Variants in NALCN observed in about 807,000 individuals in gnomAD.
The protein encoded by NALCN is sodium leak channel NALCN.
A neutral mutation model predicts 225.3 loss-of-function variants in NALCN; 111 were observed. The observed-to-expected ratio is 0.49, with a 90% CI of 0.42 to 0.58. The LOEUF is 0.58. Ranked by LOEUF, NALCN falls within the 20% of genes least tolerant of loss-of-function variation. The pLI, the probability that NALCN is intolerant of heterozygous loss-of-function variation, is 0.00. For missense variants in NALCN, 1,378 were observed against 2,202.4 expected (o/e 0.63, Z 7.49); for synonymous variants, 764 against 769.0 (o/e 0.99, Z 0.11).
chr13:101,152,657 A>T (rs1437999849), intron 15 of NALCN, among the ~76,000 whole-genome samples: 1 of 152,178 alleles, frequency 6.6e-6, no homozygotes, highest in African/African-American at 2.4e-5. Flanking sequence ...TGCTCATATT[A>T]TTGTCCTTTA....
Position 101,311,793 on chromosome 13 carries a change from T to C in NALCN, c.800-19427A>G, listed in dbSNP as rs1434091946. On this transcript the variant is annotated intron_variant, in intron 7 of 43. Transcript: ENST00000251127. ...TTTATTGAGGATTTTTGCATCAATG[T>C]TCATCAAAGATATTGGTCTAAAATT... 5.3e-5 allele frequency among the ~76,000 whole-genome samples: 8 copies of C among 152,284 alleles called. No individual in the cohort carries two copies. In the East Asian group the frequency reaches 1.5e-3, roughly 29 times the overall value.
chr13:101,246,636 A>G (rs2041906747), intron 11 of NALCN, among the ~76,000 whole-genome samples: 1 of 152,214 alleles, frequency 6.6e-6, no homozygotes, highest in Non-Finnish European at 1.5e-5. Context: ...ATCTTTTAGA[A>G]ACACACACAA....
At chr13:101,096,725 T>C (rs940162589) in intron 27 of NALCN, among the ~76,000 whole-genome samples, 6 of 152,168 alleles carry the variant, frequency 3.9e-5, no homozygotes, top group African/African-American at 1.4e-4. Flanking sequence ...GGTATGTGGA[T>C]TACATCTCAA....
intron 15 of NALCN, among the ~76,000 whole-genome samples, chr13:101,152,109 CA>C (rs1311476881): frequency 6.6e-6 from 1 of 152,114 alleles, no homozygotes; most frequent in Non-Finnish European, 1.5e-5. Context: ...GTGGGGTTTT[CA>C]ATTATTTGGA....
chr13:101,196,655 G>A (rs186083575), intron 13 of NALCN, among the ~76,000 whole-genome samples: 190 of 152,198 alleles, frequency 1.2e-3, no homozygotes, highest in African/African-American at 4.3e-3. Flanking sequence ...ATTAGCTGAG[G>A]CTGTGTATGG....
chr13:101,388,533 A>T (rs1359330287), intron 3 of NALCN, among the ~76,000 whole-genome samples: 1 of 152,174 alleles, frequency 6.6e-6, no homozygotes, highest in Non-Finnish European at 1.5e-5. Flanking sequence ...ATTTGGTCCT[A>T]AGTCATTTCT....
chr13:101,155,483 G>A (rs2037858801), intron 15 of NALCN, among the ~76,000 whole-genome samples: 2 of 152,278 alleles, frequency 1.3e-5, no homozygotes, highest in Middle Eastern at 3.4e-3. Flanking sequence ...CTTTTCTCAT[G>A]ATTAGACTGA....
intron 9 of NALCN, among the ~76,000 whole-genome samples, chr13:101,291,725 T>A (rs1011734786): frequency 6.6e-6 from 1 of 152,168 alleles, no homozygotes; most frequent in East Asian, 1.9e-4. Context: ...TTTTTAAAAT[T>A]TTTTTGTAGA....
intron 13 of NALCN, among the ~76,000 whole-genome samples, chr13:101,198,936 A>C (rs28833208): frequency 0.21 from 32,041 of 151,990 alleles, 3,516 homozygotes; most frequent in East Asian, 0.37. Flanking sequence ...TGTGGCACAT[A>C]TACACCATAG....
intron 27 of NALCN, among the ~76,000 whole-genome samples, chr13:101,097,348 G>A (rs1056810215): frequency 7.2e-5 from 11 of 152,046 alleles, no homozygotes; most frequent in Non-Finnish European, 1.3e-4. Flanking sequence ...ACTACATTGC[G>A]ATTATCTTTC....
At chr13:101,400,580 T>C (rs34226850) in intron 1 of NALCN, among the ~76,000 whole-genome samples, 40,406 of 135,628 alleles carry the variant, frequency 0.3, 6,138 homozygotes, top group African/African-American at 0.48. Flanking sequence ...TGTGTGTGTG[T>C]GCACGTGTGT....
Position 101,068,046 on chromosome 13 carries a change from G to T in NALCN, c.4331-13C>A. On this transcript the variant is annotated splice_polypyrimidine_tract_variant and intron_variant, in intron 38 of 43. Coordinates refer to ENST00000251127, the MANE Select transcript of NALCN (RefSeq NM_052867.4). ...TCCACAATTATGGCTTTTAAAAAAA[G>T]AAAAATTCAGAAGTTAGACCATTAT... 1.4e-6 allele frequency: 2 copies of T among 1,480,212 alleles called. No individual in the cohort carries two copies. Among genetic ancestry groups the T allele is most frequent in the Non-Finnish European group, 1.9e-6 (2 of 1,074,144 alleles). 91.7% of individuals were successfully genotyped at this position (1,480,212 alleles called of 1,614,324 possible).
At chr13:101,385,917 T>C (rs2046974652) in intron 3 of NALCN, among the ~76,000 whole-genome samples, 2 of 152,204 alleles carry the variant, frequency 1.3e-5, no homozygotes, top group South Asian at 4.1e-4. Flanking sequence ...AGTCAAAGTA[T>C]AATTAGAAGC....
At chr13:101,299,181 A>G (rs2043860274) in intron 7 of NALCN, among the ~76,000 whole-genome samples, 1 of 152,240 alleles carries the variant, frequency 6.6e-6, no homozygotes, top group African/African-American at 2.4e-5. Flanking sequence ...AGGCACTGGA[A>G]AGAAAAGCTT....
intron 6 of NALCN, chr13:101,368,681 TA>T (rs2046451096): frequency 6.6e-6 from 1 of 152,300 alleles, no homozygotes; most frequent in Admixed American, 6.5e-5. Context: ...TGTGGGGCTT[TA>T]AAATGCAGTA....
chr13:101,314,200 G>A (rs1369786127), intron 7 of NALCN, among the ~76,000 whole-genome samples: 1 of 150,966 alleles, frequency 6.6e-6, no homozygotes, highest in Non-Finnish European at 1.5e-5. Context: ...TTTGGAGATA[G>A]GCCTAATGCT....
At chr13:101,328,588 C>T (rs1028537496) in intron 7 of NALCN, among the ~76,000 whole-genome samples, 1 of 152,092 alleles carries the variant, frequency 6.6e-6, no homozygotes, top group Non-Finnish European at 1.5e-5. Flanking sequence ...GGTTTGTCTC[C>T]TATTTTTCCC....
rs1040648455 is a variant in NALCN, at chr13:101,178,036, T to C, written c.1765-1662A>G. ...GGGTTTTTATTAACATCACCATGAC[T>C]GGTACACCACTGGTAACTGGGCATC... On this transcript the variant is annotated intron_variant, in intron 14 of 43. Coordinates refer to ENST00000251127, the MANE Select transcript of NALCN (RefSeq NM_052867.4). 2.0e-5 allele frequency among the ~76,000 whole-genome samples: 3 copies of C among 150,412 alleles called. No individual in the cohort carries two copies. The Admixed American group carries it at 2.0e-4, about 10-fold the overall frequency.
intron 7 of NALCN, among the ~76,000 whole-genome samples, chr13:101,301,935 G>A (rs1166931220): frequency 6.6e-6 from 1 of 152,096 alleles, no homozygotes; most frequent in East Asian, 1.9e-4. Context: ...ATGTTAATTA[G>A]AAGCTTTTCA....
Sources: gnomAD v4.1 joint callset for allele counts (sites outside exome capture counted in the v4.1 genomes callset) on GRCh38, gnomAD v4.1.1 for gene constraint, MANE v1.5 for transcripts, NCBI Gene and HGNC (gene_info 2026-07-23, HGNC 2026-07-21) for gene names.